ARC: variants seen among roughly 807,000 people sequenced by gnomAD.
The protein encoded by ARC is activity regulated cytoskeleton associated protein, also known as activity-regulated cytoskeleton-associated protein.
Under a neutral mutation model 20.0 loss-of-function variants are expected in ARC, and 10 were observed. The ratio of observed to expected loss-of-function variants is 0.50; its 90% confidence interval spans 0.31 to 0.85. ARC has a LOEUF of 0.85. ARC is among the 40% of genes least tolerant of loss of function. The pLI, the probability that ARC is intolerant of heterozygous loss-of-function variation, is 0.05. For missense variants in ARC, 454 were observed against 555.5 expected (o/e 0.82, Z 1.84); for synonymous variants, 269 against 254.1 (o/e 1.06, Z -0.56).
In ARC at chr8:142,613,325, G is replaced by A; in HGVS notation, c.947C>T (p.Ala316Val). 1 of 1,613,628 alleles carries A rather than the reference G, an allele frequency of 6.2e-7. No homozygotes were observed. Among genetic ancestry groups the A allele is most frequent in the Non-Finnish European group, 8.5e-7 (1 of 1,179,996 alleles). The part of the protein sequence containing the change: ...RDLYQTLYVD[A>V]DEEEIIQYVV... ...GTACTGGATGATCTCCTCCTCGTCC[G>A]CGTCCACGTAGAGCGTCTGGTACAG... Residue 316 changes from alanine to valine, a missense_variant, in exon 1 of 3, where the codon GCG becomes GTG. Transcript: ENST00000356613.
rs1324081004 is a variant in ARC, at chr8:142,613,575, C to A, written c.697G>T (p.Gly233Cys). 1 of 1,597,198 alleles carries A rather than the reference C, an allele frequency of 6.3e-7. No homozygotes were observed. The highest frequency in any genetic ancestry group is 8.6e-7 in the Non-Finnish European group (1 of 1,168,206). The change falls in exon 1 of 3, where the codon GGC becomes TGC. Residue 233 changes from glycine to cysteine, a missense_variant. This residue lies in a region of ARC where 117 missense variants were observed against 194.4 expected (regional missense o/e 0.60). Transcript: ENST00000356613. ...HLEEYLRQVG[G>C]SEEYWLSQIQ... The stretch of plus-strand genomic sequence containing the variant: ...TGGGACAGCCAGTACTCCTCAGAGC[C>A]GCCCACCTGCCGCAAGTACTCCTCT...
chr8:142,614,039 T>C lies in ARC; in HGVS notation c.233A>G (p.Tyr78Cys). The C allele has an allele frequency of 6.2e-7, 1 of 1,607,656 alleles. No homozygotes were observed. The highest frequency in any genetic ancestry group is 8.5e-7 in the Non-Finnish European group (1 of 1,178,242). The change falls in exon 1 of 3, where the codon TAC becomes TGC. Residue 78 changes from tyrosine (Y) to cysteine (C), a missense_variant. Tyr to Cys is a radical substitution (Grantham distance 194). Around this residue, in one of 3 missense-constraint regions of ARC, gnomAD observed 265 missense variants for 301.7 expected, o/e 0.88. Coordinates refer to ENST00000356613, the MANE Select transcript of ARC (RefSeq NM_015193.5). ...GCGCTGCGAGTCGCTCGTGGGCACG[T>C]AGCCGTCCAGGTTGCTCTCCAGCTT... ...VGKLESNLDGYVPTSDSQRWK... is the reference protein window; with the variant it reads ...VGKLESNLDGCVPTSDSQRWK...
Position 142,611,753 on chromosome 8 carries a change from C to G in ARC, c.*847G>C, listed in dbSNP as rs1220768837. The stretch of plus-strand genomic sequence containing the variant: ...TGCAGCCGACTCCTCTCTGTAGCCC[C>G]CCTCTGGGCTGTCCTGGGACTTCGC... On this transcript the variant is annotated 3_prime_UTR_variant, in exon 3 of 3. Transcript: ENST00000356613. The G allele has an allele frequency of 1.3e-5, 2 of 152,414 alleles. No individual in the cohort carries two copies. The highest frequency in any genetic ancestry group is 4.8e-5 in the African/African-American group (2 of 41,474). 9.4% of individuals were successfully genotyped at this position (152,414 alleles called of 1,614,324 possible). A position where few individuals can be genotyped will look rare whatever the true frequency, so the allele number is the denominator to read the frequency against.
chr8:142,612,950 C>T lies in ARC; in HGVS notation c.*131G>A, dbSNP rs1010422602. 1.4e-4 allele frequency: 98 copies of T among 719,500 alleles called. No individual in the cohort carries two copies. The highest frequency in any genetic ancestry group is 1.0e-3 in the Admixed American group (35 of 33,944). 44.6% of individuals were successfully genotyped at this position (719,500 alleles called of 1,614,324 possible). On this transcript the variant is annotated 3_prime_UTR_variant, in exon 1 of 3. Coordinates refer to ENST00000356613, the MANE Select transcript of ARC (RefSeq NM_015193.5). ...TGGATGACACGAGTGTGTGCGAGTC[C>T]GCCCGGAGCTCGAGGGGGCACCCAG...
In ARC at chr8:142,613,735, G is replaced by A. The variant is rs375694513; in HGVS notation, c.537C>T (p.Ala179=). The A allele has an allele frequency of 2.7e-4, 421 of 1,549,032 alleles. 2 individuals carry two copies. The African/African-American group carries it at 5.1e-3, about 19-fold the overall frequency. Residue 179 remains alanine, a synonymous_variant, in exon 1 of 3, where the codon GCC becomes GCT. Coordinates refer to ENST00000356613, the MANE Select transcript of ARC (RefSeq NM_015193.5). Reference sequence around the variant, plus strand: ...GCTCCTGCCCGGGCAGCTCGCCAGCGGCTGGGGGCGGGGTGATGGCGTAGG... The same window carrying A: ...GCTCCTGCCCGGGCAGCTCGCCAGCAGCTGGGGGCGGGGTGATGGCGTAGG... ...VSPYAITPPP[A]AGELPGQEPA...
At position 142,614,225 on chromosome 8, in the gene ARC, C is replaced by G; in HGVS notation, c.47G>C (p.Gly16Ala). ...RTSGGLHAYPGPRGGQVAKPN... is the reference protein window; with the variant it reads ...RTSGGLHAYPAPRGGQVAKPN... ...CTTGGCCACCTGCCCGCCCCGCGGC[C>G]CGGGGTAGGCGTGGAGCCCGCCGCT... The change falls in exon 1 of 3, where the codon GGG (glycine) becomes GCG (alanine). Residue 16 changes from glycine (G) to alanine (A), a missense_variant. Around this residue, in one of 3 missense-constraint regions of ARC, gnomAD observed 265 missense variants for 301.7 expected, o/e 0.88. Transcript: ENST00000356613. The G allele has an allele frequency of 6.6e-7, 1 of 1,505,510 alleles. No homozygotes were observed. The highest frequency in any genetic ancestry group is 1.4e-5 in the African/African-American group (1 of 72,290). 93.3% of individuals were successfully genotyped at this position (1,505,510 alleles called of 1,614,324 possible).
rs991630545 is a variant in ARC at position 142,614,428 on chromosome 8, G to A, written c.-157C>T. 5 of 556,420 alleles carry A rather than the reference G, an allele frequency of 9.0e-6. No homozygotes were observed. Among genetic ancestry groups the A allele is most frequent in the Non-Finnish European group, 1.3e-5 (5 of 374,592 alleles). The allele number at this position is 556,420 out of a possible 1,614,324, so 34.5% of individuals were successfully genotyped here. ...GGGGCCGGCGGAGCACGCCCGGGGA[G>A]GCAGGTCCGGCTCGGCTGCTGCGGA... On this transcript the variant is annotated 5_prime_UTR_variant, in exon 1 of 3. Transcript: ENST00000356613.
Position 142,613,754 on chromosome 8 carries a change from G to T in ARC, c.518C>A (p.Ala173Asp). The T allele has an allele frequency of 3.2e-6, 5 of 1,552,886 alleles. No homozygotes were observed. Among genetic ancestry groups the T allele is most frequent in the Non-Finnish European group, 3.5e-6 (4 of 1,155,656 alleles). ...DGYDYTVSPY[A>D]ITPPPAAGEL... ...GCCAGCGGCTGGGGGCGGGGTGATG[G>T]CGTAGGGGCTGACGGTGTAGTCGTA... Residue 173 changes from alanine (A) to aspartate (D), a missense_variant, in exon 1 of 3, where the codon GCC (alanine) becomes GAC (aspartate). This residue lies in a region of ARC where 265 missense variants were observed against 301.7 expected (regional missense o/e 0.88). Coordinates refer to ENST00000356613, the MANE Select transcript of ARC (RefSeq NM_015193.5).
In ARC at chr8:142,612,966, G is replaced by C. The variant is rs946077300; in HGVS notation, c.*115C>G. ...GTGCGAGTCCGCCCGGAGCTCGAGGGGGCACCCAGCTGGACCAGGGCTTCC... is the reference window on the plus strand; with the variant it reads ...GTGCGAGTCCGCCCGGAGCTCGAGGCGGCACCCAGCTGGACCAGGGCTTCC... On this transcript the variant is annotated 3_prime_UTR_variant, in exon 1 of 3. Transcript: ENST00000356613. 2.3e-6 allele frequency: 2 copies of C among 854,552 alleles called. No homozygotes were observed. Among genetic ancestry groups the C allele is most frequent in the Non-Finnish European group, 3.5e-6 (2 of 569,448 alleles). The allele number at this position is 854,552 out of a possible 1,614,324, so 52.9% of individuals were successfully genotyped here. A position where few individuals can be genotyped will look rare whatever the true frequency, so the allele number is the denominator to read the frequency against.
In ARC at chr8:142,613,337, A is replaced by G. The variant is rs2132356144; in HGVS notation, c.935T>C (p.Leu312Pro). Reference protein sequence around the residue: ...LWRKRDLYQTLYVDADEEEII... With the variant: ...LWRKRDLYQTPYVDADEEEII... ...CTCCTCCTCGTCCGCGTCCACGTAG[A>G]GCGTCTGGTACAGGTCCCGCTTGCG... Residue 312 changes from leucine (L) to proline (P), a missense_variant, in exon 1 of 3, where the codon CTC (leucine) becomes CCC (proline). By Grantham distance (98) the Leu-to-Pro change is moderately conservative. Around this residue, in one of 3 missense-constraint regions of ARC, gnomAD observed 117 missense variants for 194.4 expected, o/e 0.60. Coordinates refer to ENST00000356613, the MANE Select transcript of ARC (RefSeq NM_015193.5). 6.2e-7 allele frequency: 1 copy of G among 1,613,492 alleles called. No individual in the cohort carries two copies. The highest frequency in any genetic ancestry group is 8.5e-7 in the Non-Finnish European group (1 of 1,179,972).
Position 142,614,219 on chromosome 8 carries a change from C to G in ARC, c.53G>C (p.Arg18Pro), listed in dbSNP as rs750662635. 6.6e-7 allele frequency: 1 copy of G among 1,508,596 alleles called. No homozygotes were observed. Among genetic ancestry groups the G allele is most frequent in the East Asian group, 2.3e-5 (1 of 43,160 alleles). The allele number at this position is 1,508,596 out of a possible 1,614,324, so 93.5% of individuals were successfully genotyped here. A position where few individuals can be genotyped will look rare whatever the true frequency, so the allele number is the denominator to read the frequency against. ...GTTGGGCTTGGCCACCTGCCCGCCC[C>G]GCGGCCCGGGGTAGGCGTGGAGCCC... ...SGGLHAYPGP[R>P]GGQVAKPNVI... is the part of the protein sequence containing the mutation. Residue 18 changes from arginine (R) to proline (P), a missense_variant, in exon 1 of 3, where the codon CGG (arginine) becomes CCG (proline). Arg to Pro is a moderately radical substitution (Grantham distance 103, BLOSUM62 -2). This residue lies in a region of ARC where 265 missense variants were observed against 301.7 expected (regional missense o/e 0.88). Transcript: ENST00000356613.
chr8:142,613,966 G>A lies in ARC; in HGVS notation c.306C>T (p.Ile102=), dbSNP rs772548427. ...KACLCRCQET[I]ANLERWVKRE... ...GCTTGACCCAGCGCTCCAGGTTGGC[G>A]ATGGTCTCCTGGCAGCGGCACAGGC... Residue 102 remains isoleucine (I), a synonymous_variant, in exon 1 of 3, where the codon ATC becomes ATT. Coordinates refer to ENST00000356613, the MANE Select transcript of ARC (RefSeq NM_015193.5). 1 of 1,608,566 alleles carries A rather than the reference G, an allele frequency of 6.2e-7. No homozygotes were observed. Among genetic ancestry groups the A allele is most frequent in the Non-Finnish European group, 8.5e-7 (1 of 1,179,314 alleles).
At position 142,614,121 on chromosome 8, in the gene ARC, C is replaced by T. The variant is rs1672652058; in HGVS notation, c.151G>A (p.Ala51Thr). The T allele has an allele frequency of 1.3e-6, 2 of 1,590,438 alleles. No homozygotes were observed. Among genetic ancestry groups the T allele is most frequent in the Non-Finnish European group, 8.6e-7 (1 of 1,168,858 alleles). The change falls in exon 1 of 3, where the codon GCC becomes ACC. Residue 51 changes from alanine (A) to threonine (T), a missense_variant. By Grantham distance (58) the Ala-to-Thr change is moderately conservative. Transcript: ENST00000356613. ...HVRRTHRHLL[A>T]EVSKQVEREL... ...CGCTCCACCTGCTTGGACACCTCGG[C>T]CAGCAGGTGCCGGTGCGTCCGCCGC...
rs773650144 is a variant in ARC at position 142,613,174 on chromosome 8, G to T, written c.1098C>A (p.Ala366=). Residue 366 remains alanine (A), a synonymous_variant, in exon 1 of 3, where the codon GCC becomes GCA. Transcript: ENST00000356613. ...CATCCTCCACCGGGAGGTGGGGGCC[G>T]GCCGGCTCGGCCGCCTGCTCCAGGT... ...QDDLEQAAEP[A]GPHLPVEDEA... 5 of 1,608,570 alleles carry T rather than the reference G, an allele frequency of 3.1e-6. No homozygotes were observed. The African/African-American group carries it at 5.3e-5, about 17-fold the overall frequency.
In ARC at chr8:142,613,199, T is replaced by A. The variant is rs1846272471; in HGVS notation, c.1073A>T (p.Asp358Val). The A allele has an allele frequency of 6.2e-7, 1 of 1,612,104 alleles. No individual in the cohort carries two copies. Residue 358 changes from aspartate to valine, a missense_variant, in exon 1 of 3, where the codon GAC (aspartate) becomes GTC (valine). By Grantham distance (152) the Asp-to-Val change is radical (BLOSUM62 -3). Transcript: ENST00000356613. ...GGCCGGCTCGGCCGCCTGCTCCAGG[T>A]CATCCTGCACCTCCATGCCCCTCTG... ...LIQRGMEVQD[D>V]LEQAAEPAGP...
In ARC at chr8:142,614,247, C is replaced by T; in HGVS notation, c.25G>A (p.Gly9Ser). Reference sequence around the variant, plus strand: ...GGCCCGGGGTAGGCGTGGAGCCCGCCGCTGGTCCGGTGGTCCAGCTCCATC... The same window carrying T: ...GGCCCGGGGTAGGCGTGGAGCCCGCTGCTGGTCCGGTGGTCCAGCTCCATC... The part of the protein sequence containing the change: MELDHRTS[G>S]GLHAYPGPRG... The change falls in exon 1 of 3, where the codon GGC (glycine) becomes AGC (serine). Residue 9 changes from glycine to serine, a missense_variant. Coordinates refer to ENST00000356613, the MANE Select transcript of ARC (RefSeq NM_015193.5). 1 of 1,482,750 alleles carries T rather than the reference C, an allele frequency of 6.7e-7. No homozygotes were observed. Among genetic ancestry groups the T allele is most frequent in the Non-Finnish European group, 8.9e-7 (1 of 1,120,864 alleles). 91.8% of individuals were successfully genotyped at this position (1,482,750 alleles called of 1,614,324 possible).
chr8:142,612,572 C>G lies in ARC; in HGVS notation c.*509G>C, dbSNP rs1846263107. On this transcript the variant is annotated 3_prime_UTR_variant, in exon 1 of 3. Transcript: ENST00000356613. ...CCCTGGGAGGAGGGGGCCGCGCTGC[C>G]CGAGGCTGGCCAGCTGCCCTGGGAG... 1 of 159,118 alleles carries G rather than the reference C, an allele frequency of 6.3e-6. No individual in the cohort carries two copies. The highest frequency in any genetic ancestry group is 1.8e-4 in the East Asian group (1 of 5,416). The allele number at this position is 159,118 out of a possible 1,614,324, so 9.9% of individuals were successfully genotyped here. A position where few individuals can be genotyped will look rare whatever the true frequency, so the allele number is the denominator to read the frequency against.
Position 142,614,091 on chromosome 8 carries a change from G to C in ARC, c.181C>G (p.Leu61Val). 1 of 1,593,216 alleles carries C rather than the reference G, an allele frequency of 6.3e-7. No homozygotes were observed. Among genetic ancestry groups the C allele is most frequent in the South Asian group, 1.1e-5 (1 of 89,934 alleles). ...AEVSKQVERE[L>V]KGLHRSVGKL... ...CCGACCGACCGGTGCAGCCCCTTCA[G>C]CTCGCGCTCCACCTGCTTGGACACC... The change falls in exon 1 of 3, where the codon CTG (leucine) becomes GTG (valine). Residue 61 changes from leucine to valine, a missense_variant. Around this residue, in one of 3 missense-constraint regions of ARC, gnomAD observed 265 missense variants for 301.7 expected, o/e 0.88. Coordinates refer to ENST00000356613, the MANE Select transcript of ARC (RefSeq NM_015193.5).
Position 142,613,311 on chromosome 8 carries a change from TCTC to T in ARC, c.958_960del (p.Glu320del). 6 of 1,613,602 alleles carry T rather than the reference TCTC, an allele frequency of 3.7e-6. No individual in the cohort carries two copies. Among genetic ancestry groups the T allele is most frequent in the East Asian group, 2.2e-5 (1 of 44,872 alleles). ...AGGGTGCCCACCACGTACTGGATGATCTCCTCCTCGTCCGCGTCCACGTAGAGC... is the reference window on the plus strand; with the variant it reads ...AGGGTGCCCACCACGTACTGGATGATCTCCTCGTCCGCGTCCACGTAGAGC... On this transcript the variant is annotated inframe_deletion, in exon 1 of 3. Transcript: ENST00000356613.
Sources: allele counts gnomAD v4.1 joint callset, GRCh38; gene constraint gnomAD v4.1.1; regional missense constraint gnomAD v4.1.1; transcripts MANE v1.5; gene names NCBI Gene and HGNC (gene_info 2026-07-23, HGNC 2026-07-21).